Variants in CNKSR3 observed in about 807,000 individuals in gnomAD.
CNKSR3 encodes connector enhancer of kinase suppressor of ras 3.
CNKSR3 carries 36 observed loss-of-function variants against 67.7 expected under a neutral mutation model. That is an observed-to-expected ratio of 0.53 (90% CI 0.41 to 0.70). The LOEUF (loss-of-function observed/expected upper bound fraction) is 0.70. Among genes scored for constraint, CNKSR3 ranks in the 30% least tolerant of loss-of-function variants. CNKSR3 has a pLI of 0.00. For missense variants in CNKSR3, 630 were observed against 695.2 expected (o/e 0.91, Z 1.05); for synonymous variants, 281 against 271.4 (o/e 1.04, Z -0.35).
chr6:154,397,763 G>A lies in CNKSR3; in HGVS notation c.*8591C>T, dbSNP rs1383876196. 6.6e-6 allele frequency: 1 copy of A among 152,080 alleles called. No individual in the cohort carries two copies. The highest frequency in any genetic ancestry group is 1.5e-5 in the Non-Finnish European group (1 of 68,042). The allele number at this position is 152,080 out of a possible 1,614,324, so 9.4% of individuals were successfully genotyped here. A position where few individuals can be genotyped will look rare whatever the true frequency, so the allele number is the denominator to read the frequency against. On this transcript the variant is annotated 3_prime_UTR_variant, in exon 13 of 13. Coordinates refer to ENST00000607772, the MANE Select transcript of CNKSR3 (RefSeq NM_173515.4). ...TAGGTGCACAGTGCAGTGGGGGTGT[G>A]TGAGATGCACAGGGCAGACAGTACA... is the stretch of plus-strand genomic sequence containing the variant.
At chr6:154,407,761 C>A (rs1784826833) in intron 12 of CNKSR3, among the ~76,000 whole-genome samples, 1 of 147,226 alleles carries the variant, frequency 6.8e-6, no homozygotes, top group Admixed American at 7.0e-5. Context: ...CTACTGAAAC[C>A]TTTTTCAAAT....
In CNKSR3 at chr6:154,394,517, C is replaced by G. The variant is rs1349555433; in HGVS notation, c.*11837G>C. The G allele has an allele frequency of 6.6e-6, 1 of 150,958 alleles. No individual in the cohort carries two copies. The highest frequency in any genetic ancestry group is 6.6e-5 in the Admixed American group (1 of 15,112). 9.4% of individuals were successfully genotyped at this position (150,958 alleles called of 1,614,324 possible). On this transcript the variant is annotated 3_prime_UTR_variant, in exon 13 of 13. Coordinates refer to ENST00000607772, the MANE Select transcript of CNKSR3 (RefSeq NM_173515.4). ...CAGAGCATTACCCAACCTGGAACAT[C>G]CAAAGTGGACGTTGATGAGGAAAAT...
In CNKSR3 at chr6:154,403,045, T is replaced by A. The variant is rs1784733924; in HGVS notation, c.*3309A>T. On this transcript the variant is annotated 3_prime_UTR_variant, in exon 13 of 13. Coordinates refer to ENST00000607772, the MANE Select transcript of CNKSR3 (RefSeq NM_173515.4). The stretch of plus-strand genomic sequence containing the variant: ...GCTAGTTTCATTTCAGAATAGTAAA[T>A]GGAGTGATGTTTTTATGAGTGAAGG... 6.6e-6 allele frequency: 1 copy of A among 152,202 alleles called. No individual in the cohort carries two copies. The highest frequency in any genetic ancestry group is 1.5e-5 in the Non-Finnish European group (1 of 68,030). The allele number at this position is 152,202 out of a possible 1,614,324, so 9.4% of individuals were successfully genotyped here. A position where few individuals can be genotyped will look rare whatever the true frequency, so the allele number is the denominator to read the frequency against.
intron 2 of CNKSR3, 132 bp from the exon 3 acceptor site, chr6:154,442,422 G>A (rs973503899): frequency 1.5e-5 from 10 of 688,972 alleles, no homozygotes; most frequent in Non-Finnish European, 2.0e-5. Context: ...GGAGATCGAG[G>A]CCATCCTGGC....
At position 154,395,985 on chromosome 6, in the gene CNKSR3, C is replaced by G. The variant is rs1329207217; in HGVS notation, c.*10369G>C. The G allele has an allele frequency of 6.6e-6, 1 of 152,366 alleles. No homozygotes were observed. Among genetic ancestry groups the G allele is most frequent in the Non-Finnish European group, 1.5e-5 (1 of 68,174 alleles). The allele number at this position is 152,366 out of a possible 1,614,324, so 9.4% of individuals were successfully genotyped here. A position where few individuals can be genotyped will look rare whatever the true frequency, so the allele number is the denominator to read the frequency against. On this transcript the variant is annotated 3_prime_UTR_variant, in exon 13 of 13. Transcript: ENST00000607772. Reference sequence around the variant, plus strand: ...GGCTCAAGCAATCCACCGGCCTCAGCCTCCCAAAATGCTGAGATTACAGGC... The same window carrying G: ...GGCTCAAGCAATCCACCGGCCTCAGGCTCCCAAAATGCTGAGATTACAGGC...
At chr6:154,476,792 G>A (rs1786461870) in intron 1 of CNKSR3, among the ~76,000 whole-genome samples, 1 of 152,160 alleles carries the variant, frequency 6.6e-6, no homozygotes, top group Non-Finnish European at 1.5e-5. Context: ...AATGTACTCT[G>A]TAAGCCCAAA....
intron 1 of CNKSR3, among the ~76,000 whole-genome samples, chr6:154,509,296 T>G: frequency 6.6e-6 from 1 of 150,426 alleles, no homozygotes. Flanking sequence ...CCTCTGCTCA[T>G]TCCCCCCACC....
At chr6:154,432,536 TC>T (rs1469453522) in intron 5 of CNKSR3, among the ~76,000 whole-genome samples, 3 of 152,236 alleles carry the variant, frequency 2.0e-5, no homozygotes, top group African/African-American at 7.2e-5. Flanking sequence ...GTCTACCTTA[TC>T]AATTTTTCTT....
chr6:154,424,067 C>A (rs1306583202), intron 7 of CNKSR3, among the ~76,000 whole-genome samples: 1 of 151,926 alleles, frequency 6.6e-6, no homozygotes, highest in Non-Finnish European at 1.5e-5. Context: ...CCCGTCTCTA[C>A]TAAAAATACA....
At chr6:154,459,886 T>C (rs1282622569) in intron 1 of CNKSR3, among the ~76,000 whole-genome samples, 1 of 152,256 alleles carries the variant, frequency 6.6e-6, no homozygotes, top group African/African-American at 2.4e-5. Flanking sequence ...CTGCCCTCAT[T>C]TGAGGTTTCT....
At chr6:154,467,765 T>C (rs1299499658) in intron 1 of CNKSR3, among the ~76,000 whole-genome samples, 1 of 152,030 alleles carries the variant, frequency 6.6e-6, no homozygotes, top group African/African-American at 2.4e-5. Flanking sequence ...ATCATTTTTG[T>C]TTGTCTGTTT....
chr6:154,473,537 G>A (rs985823068), intron 1 of CNKSR3, among the ~76,000 whole-genome samples: 12 of 152,132 alleles, frequency 7.9e-5, no homozygotes, highest in South Asian at 6.2e-4. Flanking sequence ...GGGGAGAATG[G>A]CATAAACAAG....
chr6:154,491,704 G>T (rs1786787694), intron 1 of CNKSR3, among the ~76,000 whole-genome samples: 1 of 151,980 alleles, frequency 6.6e-6, no homozygotes, highest in Non-Finnish European at 1.5e-5. Flanking sequence ...GATAATTTCT[G>T]CTGAATAACT....
chr6:154,423,037 C>G, intron 7 of CNKSR3, 54 bp from the exon 8 acceptor site: 1 of 1,187,948 alleles, frequency 8.4e-7, no homozygotes, highest in Non-Finnish European at 1.2e-6. Flanking sequence ...CTATTTCTTT[C>G]TGCTTTTATT....
At position 154,450,170 on chromosome 6, in the gene CNKSR3, G is replaced by T; in HGVS notation, c.141C>A (p.Asp47Glu). ...GEQLLQISHQDLEELGVTRIG... is the reference protein window; with the variant it reads ...GEQLLQISHQELEELGVTRIG... The stretch of plus-strand genomic sequence containing the variant: ...TCCGTGTGACCCCCAGCTCCTCCAG[G>T]TCCTGATGGGAAATCTGCAGCAGCT... The change falls in exon 2 of 13, where the codon GAC becomes GAA. Residue 47 changes from aspartate (D) to glutamate (E), a missense_variant. Around this residue, in one of 3 missense-constraint regions of CNKSR3, gnomAD observed 189 missense variants for 205.0 expected, o/e 0.92. Transcript: ENST00000607772. The T allele has an allele frequency of 6.2e-7, 1 of 1,614,124 alleles. No homozygotes were observed. The highest frequency in any genetic ancestry group is 8.5e-7 in the Non-Finnish European group (1 of 1,180,016).
At chr6:154,429,455 A>G (rs1349182576) in intron 6 of CNKSR3, among the ~76,000 whole-genome samples, 1 of 151,994 alleles carries the variant, frequency 6.6e-6, no homozygotes, top group African/African-American at 2.4e-5. Flanking sequence ...TGAAATGACA[A>G]CTCCATTTCT....
chr6:154,430,920 TCA>T (rs1785353898), intron 5 of CNKSR3, among the ~76,000 whole-genome samples: 1 of 151,128 alleles, frequency 6.6e-6, no homozygotes, highest in Non-Finnish European at 1.5e-5. Flanking sequence ...CAATGATTGC[TCA>T]CAGTCTCTGA....
intron 1 of CNKSR3, among the ~76,000 whole-genome samples, chr6:154,486,607 C>A (rs1288290563): frequency 1.3e-5 from 2 of 150,046 alleles, no homozygotes; most frequent in Non-Finnish European, 2.9e-5. Context: ...ATTCTCCTGC[C>A]TCAGCCTCCC....
intron 4 of CNKSR3, among the ~76,000 whole-genome samples, chr6:154,441,073 G>T (rs913582402): frequency 6.6e-6 from 1 of 151,700 alleles, no homozygotes; most frequent in Non-Finnish European, 1.5e-5. Flanking sequence ...ACACAAAAAG[G>T]TAATCTTTAA....
Sources: allele counts gnomAD v4.1 joint callset (sites outside exome capture counted in the v4.1 genomes callset), GRCh38; gene constraint gnomAD v4.1.1; regional missense constraint gnomAD v4.1.1; transcripts MANE v1.5; gene names NCBI Gene and HGNC (gene_info 2026-07-23, HGNC 2026-07-21).